Variants in DOCK3 observed in about 807,000 individuals in gnomAD.
The protein encoded by DOCK3 is dedicator of cytokinesis 3, also known as dedicator of cytokinesis protein 3.
DOCK3 carries 60 observed loss-of-function variants against 265.6 expected under a neutral mutation model. That is an observed-to-expected ratio of 0.23 (90% confidence interval 0.18 to 0.28). The LOEUF (loss-of-function observed/expected upper bound fraction) is 0.28, where lower values mean the gene tolerates loss of function less well. Ranked by LOEUF, DOCK3 falls within the 10% of genes least tolerant of loss-of-function variation. DOCK3 has a pLI of 1.00. For synonymous variants in DOCK3, 881 were observed against 938.0 expected (o/e 0.94, Z 1.11); for missense variants, 1,981 against 2,594.3 (o/e 0.76, Z 5.14).
chr3:51,144,378 A>AG (rs1476002242), intron 9 of DOCK3, among the ~76,000 whole-genome samples: 1 of 152,184 alleles, frequency 6.6e-6, no homozygotes, highest in Non-Finnish European at 1.5e-5. Flanking sequence ...TCCTTGTTAC[A>AG]TGTGACTCTC....
At chr3:51,320,980 G>A (rs950120169) in intron 32 of DOCK3, among the ~76,000 whole-genome samples, 2 of 152,324 alleles carry the variant, frequency 1.3e-5, no homozygotes, top group Non-Finnish European at 1.5e-5. Context: ...GCTCTGCTAA[G>A]GGTCAGACTG....
intron 4 of DOCK3, among the ~76,000 whole-genome samples, chr3:50,894,202 T>C (rs997414071): frequency 4.6e-5 from 7 of 151,930 alleles, no homozygotes; most frequent in African/African-American, 7.3e-5. Flanking sequence ...CAAAGAGAAT[T>C]TTGAAAGCAG....
intron 5 of DOCK3, among the ~76,000 whole-genome samples, chr3:50,987,769 G>A (rs749748220): frequency 1.3e-5 from 2 of 152,156 alleles, no homozygotes; most frequent in Non-Finnish European, 2.9e-5. Context: ...CCAGAGAAGC[G>A]GTGAGTGAAT....
At chr3:51,109,390 T>G (rs1372714732) in intron 9 of DOCK3, among the ~76,000 whole-genome samples, 2 of 152,086 alleles carry the variant, frequency 1.3e-5, no homozygotes. Flanking sequence ...AGAGGGAACT[T>G]TATTGCACTA....
intron 5 of DOCK3, among the ~76,000 whole-genome samples, chr3:51,024,796 G>A (rs1004790834): frequency 3.3e-5 from 5 of 152,212 alleles, no homozygotes; most frequent in Admixed American, 1.3e-4. Flanking sequence ...TAGACTCTGA[G>A]ATTCCTTGGT....
chr3:51,276,665 G>A (rs1238803020), intron 25 of DOCK3, among the ~76,000 whole-genome samples: 4 of 152,110 alleles, frequency 2.6e-5, no homozygotes, highest in Non-Finnish European at 5.9e-5. Context: ...TGAAACTGAA[G>A]CTCAATGAGA....
chr3:50,970,982 T>A (rs1271120873), intron 5 of DOCK3, among the ~76,000 whole-genome samples: 4 of 98,922 alleles, frequency 4.0e-5, no homozygotes, highest in African/African-American at 7.4e-5. Flanking sequence ...ATATATATTT[T>A]TTTTATTTTA....
intron 37 of DOCK3, among the ~76,000 whole-genome samples, chr3:51,340,211 G>GA (rs2085149627): frequency 6.6e-6 from 1 of 152,210 alleles, no homozygotes; most frequent in African/African-American, 2.4e-5. Flanking sequence ...TTTTAACAGA[G>GA]AAAGAGTGCT....
chr3:51,116,619 G>A (rs529439503), intron 9 of DOCK3, among the ~76,000 whole-genome samples: 1 of 151,970 alleles, frequency 6.6e-6, no homozygotes, highest in African/African-American at 2.4e-5. Context: ...CCATTTGTTT[G>A]TGTCCTCTCT....
intron 9 of DOCK3, among the ~76,000 whole-genome samples, chr3:51,121,199 C>T (rs1035464160): frequency 6.6e-6 from 1 of 152,116 alleles, no homozygotes; most frequent in Non-Finnish European, 1.5e-5. Context: ...CAGATAGCAC[C>T]ATCCCTCACA....
intron 1 of DOCK3, among the ~76,000 whole-genome samples, chr3:50,707,986 G>A (rs1044006198): frequency 2.6e-5 from 4 of 152,120 alleles, no homozygotes; most frequent in African/African-American, 9.7e-5. Flanking sequence ...AGATGGGGTG[G>A]CCCCCTTTTT....
intron 1 of DOCK3, among the ~76,000 whole-genome samples, chr3:50,749,855 T>A (rs1394817611): frequency 6.6e-6 from 1 of 152,228 alleles, no homozygotes; most frequent in Non-Finnish European, 1.5e-5. Flanking sequence ...GGGTATAGCC[T>A]AACTCCTTAG....
At chr3:51,216,979 A>G (rs2089822529) in intron 14 of DOCK3, among the ~76,000 whole-genome samples, 1 of 152,186 alleles carries the variant, frequency 6.6e-6, no homozygotes. Flanking sequence ...CATCTTCTTG[A>G]CCCATGAACA....
chr3:51,264,216 A>G (rs1347358935), intron 23 of DOCK3, among the ~76,000 whole-genome samples: 3 of 152,180 alleles, frequency 2.0e-5, no homozygotes, highest in African/African-American at 7.2e-5. Context: ...AGTCTCTCAG[A>G]CCACAGTACA....
chr3:50,883,026 C>A lies in DOCK3; in HGVS notation c.163-7000C>A, dbSNP rs182355396. 6.2e-3 allele frequency among the ~76,000 whole-genome samples: 948 copies of A among 152,146 alleles called. 7 individuals are homozygous for A. Among genetic ancestry groups the A allele is most frequent in the Non-Finnish European group, 0.01 (705 of 68,006 alleles). ...GCAAACTATTGCAAGGACAGAAAAC[C>A]AAACACTGCATGTTCTCACTCATAG... is the stretch of plus-strand genomic sequence containing the variant. On this transcript the variant is annotated intron_variant, in intron 3 of 52. Coordinates refer to ENST00000266037, the MANE Select transcript of DOCK3 (RefSeq NM_004947.5).
intron 1 of DOCK3, among the ~76,000 whole-genome samples, chr3:50,736,601 T>C (rs1225870978): frequency 6.6e-6 from 1 of 152,302 alleles, no homozygotes; most frequent in East Asian, 1.9e-4. Flanking sequence ...TTCTAACTGG[T>C]GTGAGATGGT....
intron 14 of DOCK3, among the ~76,000 whole-genome samples, chr3:51,216,028 C>T (rs373784140): frequency 8.6e-5 from 13 of 151,362 alleles, no homozygotes; most frequent in East Asian, 3.9e-4. Flanking sequence ...AAATAGTTAC[C>T]AAAATTGACC....
At chr3:50,863,086 G>T in intron 3 of DOCK3, among the ~76,000 whole-genome samples, 1 of 152,166 alleles carries the variant, frequency 6.6e-6, no homozygotes, top group East Asian at 1.9e-4. Flanking sequence ...GCTTTGGTGG[G>T]CTGCACTTCC....
chr3:51,333,296 ACT>A, intron 35 of DOCK3, 43 bp downstream of exon 35: 1 of 1,579,458 alleles, frequency 6.3e-7, no homozygotes, highest in Non-Finnish European at 8.7e-7. Flanking sequence ...TTGTCAGGAT[ACT>A]CTCTCTGGCA....
Sources: gnomAD v4.1 joint callset for allele counts (sites outside exome capture counted in the v4.1 genomes callset) on GRCh38, gnomAD v4.1.1 for gene constraint, MANE v1.5 for transcripts, NCBI Gene and HGNC (gene_info 2026-07-23, HGNC 2026-07-21) for gene names.